Variants in ZFYVE9 observed in about 807,000 individuals in gnomAD.
ZFYVE9 encodes zinc finger FYVE domain-containing protein 9.
Under a neutral mutation model 126.7 loss-of-function variants are expected in ZFYVE9, and 43 were observed. The observed-to-expected ratio is 0.34, with a 90% CI of 0.27 to 0.44. ZFYVE9 has a LOEUF of 0.44. ZFYVE9 is among the 20% of genes least tolerant of loss of function. The probability of loss-of-function intolerance (pLI) is 1.00; values close to 1 mark genes in which losing one functional copy is unlikely to be tolerated. For synonymous variants in ZFYVE9, 521 were observed against 597.4 expected (o/e 0.87, Z 1.87); for missense variants, 1,476 against 1,697.0 (o/e 0.87, Z 2.29).
chr1:52,305,087 A>G (rs1372289802), intron 13 of ZFYVE9, among the ~76,000 whole-genome samples: 3 of 152,220 alleles, frequency 2.0e-5, no homozygotes, highest in South Asian at 4.1e-4. Flanking sequence ...ATTATTGTCT[A>G]TTTCACAAAC....
At position 52,285,524 on chromosome 1, in the gene ZFYVE9, G is replaced by T. The variant is rs926831701; in HGVS notation, c.3025+3708G>T. Among the ~76,000 whole-genome samples the T allele has an allele frequency of 3.9e-4, 60 of 152,106 alleles. 1 individual carries two copies. The highest frequency in any genetic ancestry group is 3.8e-3 in the Admixed American group (58 of 15,250). On this transcript the variant is annotated intron_variant, in intron 10 of 18. Coordinates refer to ENST00000287727, the MANE Select transcript of ZFYVE9 (RefSeq NM_004799.4). The stretch of plus-strand genomic sequence containing the variant: ...GCAGCGGTATTAGATTCTCATAGAA[G>T]TGCGAACCCTGTTGTGAACTGCGCG...
rs769235646 is a variant in ZFYVE9 at position 52,268,591 on chromosome 1, G to A, written c.2584G>A (p.Asp862Asn). 17 of 1,613,910 alleles carry A rather than the reference G, an allele frequency of 1.1e-5. No homozygotes were observed. Among genetic ancestry groups the A allele is most frequent in the Non-Finnish European group, 1.4e-5 (17 of 1,179,976 alleles). Reference sequence around the variant, plus strand: ...TGCAGGAACCCTGGCTGTGTCACACGACCCAGTCAAGCCAGTAACTACCAG... The same window carrying A: ...TGCAGGAACCCTGGCTGTGTCACACAACCCAGTCAAGCCAGTAACTACCAG... ...SSAGTLAVSH[D>N]PVKPVTTSPL... is the part of the protein sequence containing the mutation. The change falls in exon 7 of 19, where the codon GAC becomes AAC. Residue 862 changes from aspartate (D) to asparagine (N), a missense_variant. By Grantham distance (23) the Asp-to-Asn change is conservative (BLOSUM62 1). This residue lies in a region of ZFYVE9 where 669 missense variants were observed against 902.4 expected (regional missense o/e 0.74). Coordinates refer to ENST00000287727, the MANE Select transcript of ZFYVE9 (RefSeq NM_004799.4).
rs1646483741 is a variant in ZFYVE9, at chr1:52,346,346, T to TGGGA, written c.*127_*130dup. On this transcript the variant is annotated 3_prime_UTR_variant, in exon 19 of 19. Coordinates refer to ENST00000287727, the MANE Select transcript of ZFYVE9 (RefSeq NM_004799.4). Reference sequence around the variant, plus strand: ...ACTATTAATGGGGTGGGGAATAGGGTGGGAGTGGGGGTTTGGGAGACGGGT... The same window carrying TGGGA: ...ACTATTAATGGGGTGGGGAATAGGGTGGGAGGGAGTGGGGGTTTGGGAGACGGGT... 1 of 193,244 alleles carries TGGGA rather than the reference T, an allele frequency of 5.2e-6. No individual in the cohort carries two copies. Among genetic ancestry groups the TGGGA allele is most frequent in the Non-Finnish European group, 9.8e-6 (1 of 102,370 alleles). 12.0% of individuals were successfully genotyped at this position (193,244 alleles called of 1,614,324 possible).
chr1:52,150,832 C>T (rs750020253), intron 1 of ZFYVE9, among the ~76,000 whole-genome samples: 103 of 151,756 alleles, frequency 6.8e-4, no homozygotes, highest in Non-Finnish European at 1.0e-3. Context: ...TAAAAACACC[C>T]TGTCAGGATT....
intron 1 of ZFYVE9, chr1:52,180,406 G>T: frequency 6.7e-7 from 1 of 1,497,888 alleles, no homozygotes. Flanking sequence ...AACCTGACAA[G>T]AGATGAGTTG....
At chr1:52,327,171 A>G (rs1199525871) in intron 13 of ZFYVE9, among the ~76,000 whole-genome samples, 1 of 152,000 alleles carries the variant, frequency 6.6e-6, no homozygotes, top group Non-Finnish European at 1.5e-5. Context: ...AAAATAAACA[A>G]ACAAAAATAC....
chr1:52,285,797 C>A (rs1430345024), intron 10 of ZFYVE9, among the ~76,000 whole-genome samples: 1 of 152,122 alleles, frequency 6.6e-6, no homozygotes, highest in Non-Finnish European at 1.5e-5. Context: ...CCCCACAGTC[C>A]GTGGAAAAAT....
intron 4 of ZFYVE9, among the ~76,000 whole-genome samples, chr1:52,255,968 C>CTTTTTTCTTTTCTTTTCTTTTCTTTTCT (rs531740960): frequency 3.7e-4 from 26 of 71,188 alleles, no homozygotes; most frequent in African/African-American, 1.8e-3. Flanking sequence ...CTTTTCTTTT[C>CTTTTTTCTTTTCTTTTCTTTTCTTTTCT]TTTCTTTCTT....
rs931356971 is a variant in ZFYVE9 at position 52,163,895 on chromosome 1, G to C, written c.-143+21492G>C. On this transcript the variant is annotated intron_variant, in intron 1 of 18. Coordinates refer to ENST00000287727, the MANE Select transcript of ZFYVE9 (RefSeq NM_004799.4). ...TTGGTGATGTGCTTTCAGATGGGTA[G>C]ATATTTATGGTCAACACTATTCAGC... 3.9e-5 allele frequency among the ~76,000 whole-genome samples: 6 copies of C among 152,260 alleles called. No individual in the cohort carries two copies. The East Asian group carries it at 1.2e-3, about 29-fold the overall frequency.
At chr1:52,199,188 C>T (rs1644899174) in intron 1 of ZFYVE9, among the ~76,000 whole-genome samples, 1 of 152,048 alleles carries the variant, frequency 6.6e-6, no homozygotes, top group Non-Finnish European at 1.5e-5. Context: ...GCCTCAGCCT[C>T]CCGAGTAGCT....
At chr1:52,295,341 T>C (rs1049025968) in intron 11 of ZFYVE9, among the ~76,000 whole-genome samples, 1 of 62,452 alleles carries the variant, frequency 1.6e-5, no homozygotes, top group Non-Finnish European at 3.0e-5. Flanking sequence ...ACCTTGTGGG[T>C]TTGTTTGTTT....
At chr1:52,155,868 G>T (rs1644398487) in intron 1 of ZFYVE9, among the ~76,000 whole-genome samples, 1 of 152,192 alleles carries the variant, frequency 6.6e-6, no homozygotes, top group East Asian at 1.9e-4. Flanking sequence ...TTTTGCTTTG[G>T]AGGGGATGTG....
intron 2 of ZFYVE9, among the ~76,000 whole-genome samples, chr1:52,228,637 G>C (rs373862764): frequency 6.6e-6 from 1 of 152,094 alleles, no homozygotes; most frequent in Admixed American, 6.5e-5. Flanking sequence ...ACTTCAGCAG[G>C]CATCTCCTAA....
intron 1 of ZFYVE9, among the ~76,000 whole-genome samples, chr1:52,166,025 G>A (rs544649061): frequency 1.1e-4 from 16 of 152,126 alleles, no homozygotes; most frequent in African/African-American, 2.4e-4. Flanking sequence ...TTTGCATACC[G>A]TCACACTTTG....
At chr1:52,319,770 T>C (rs1646220890) in intron 13 of ZFYVE9, among the ~76,000 whole-genome samples, 1 of 151,668 alleles carries the variant, frequency 6.6e-6, no homozygotes, top group South Asian at 2.1e-4. Context: ...ATCCCAGCAC[T>C]TGGGGAGGCC....
At chr1:52,255,777 C>T (rs1465729124) in intron 4 of ZFYVE9, among the ~76,000 whole-genome samples, 2 of 151,872 alleles carry the variant, frequency 1.3e-5, no homozygotes, top group Non-Finnish European at 2.9e-5. Flanking sequence ...CCTGTAGTCT[C>T]AGTTACTTGG....
intron 13 of ZFYVE9, among the ~76,000 whole-genome samples, chr1:52,314,691 G>A (rs1278447423): frequency 1.3e-5 from 2 of 152,044 alleles, no homozygotes; most frequent in African/African-American, 4.8e-5. Flanking sequence ...GTGGTGGCGC[G>A]CGCCTCTAGT....
intron 1 of ZFYVE9, among the ~76,000 whole-genome samples, chr1:52,172,884 G>A (rs1312748266): frequency 6.6e-6 from 1 of 152,034 alleles, no homozygotes; most frequent in Non-Finnish European, 1.5e-5. Flanking sequence ...TTGCTTATCA[G>A]CTTAAGGAGA....
intron 13 of ZFYVE9, among the ~76,000 whole-genome samples, chr1:52,317,994 C>G (rs1646201652): frequency 6.6e-6 from 1 of 152,034 alleles, no homozygotes; most frequent in Non-Finnish European, 1.5e-5. Flanking sequence ...AGAAATAACA[C>G]CATTTCTGTG....
Sources: allele counts gnomAD v4.1 joint callset (sites outside exome capture counted in the v4.1 genomes callset), GRCh38; gene constraint gnomAD v4.1.1; regional missense constraint gnomAD v4.1.1; transcripts MANE v1.5; gene names NCBI Gene and HGNC (gene_info 2026-07-23, HGNC 2026-07-21).